GPR176: variants seen among roughly 807,000 people sequenced by gnomAD.
GPR176 encodes G-protein coupled receptor 176.
A neutral mutation model predicts 35.4 loss-of-function variants in GPR176; 26 were observed. The observed-to-expected ratio is 0.74, with a 90% CI of 0.54 to 1.02. The LOEUF is 1.02. GPR176 is among the 50% of genes least tolerant of loss of function. The probability of loss-of-function intolerance (pLI) is 0.00; values close to 1 mark genes in which losing one functional copy is unlikely to be tolerated. For missense variants in GPR176, 597 were observed against 665.3 expected (o/e 0.90, Z 1.13); for synonymous variants, 278 against 271.3 (o/e 1.02, Z -0.24).
intron 1 of GPR176, among the ~76,000 whole-genome samples, chr15:39,839,266 T>G (rs1325761871): frequency 5.3e-5 from 8 of 152,162 alleles, no homozygotes. Flanking sequence ...CAAAACAGCT[T>G]GGTACTGGTA....
chr15:39,906,999 A>C (rs1330950624), intron 1 of GPR176, among the ~76,000 whole-genome samples: 1 of 152,200 alleles, frequency 6.6e-6, no homozygotes, highest in Non-Finnish European at 1.5e-5. Context: ...TAATTTCTGG[A>C]GTTATAACTG....
intron 1 of GPR176, among the ~76,000 whole-genome samples, chr15:39,904,049 T>A (rs1183057927): frequency 6.6e-6 from 1 of 152,234 alleles, no homozygotes; most frequent in Admixed American, 6.5e-5. Context: ...GGTAACTTCC[T>A]GATGTTGCCA....
At chr15:39,883,620 G>A (rs912707159) in intron 1 of GPR176, among the ~76,000 whole-genome samples, 3 of 152,032 alleles carry the variant, frequency 2.0e-5, no homozygotes, top group Non-Finnish European at 4.4e-5. Flanking sequence ...CGTACATAAA[G>A]CAGTGTCTAG....
intron 1 of GPR176, among the ~76,000 whole-genome samples, chr15:39,822,090 C>A (rs927919125): frequency 1.3e-5 from 2 of 152,198 alleles, no homozygotes; most frequent in Non-Finnish European, 2.9e-5. Flanking sequence ...GGAACTGGGG[C>A]CTCCTGCCAA....
intron 1 of GPR176, among the ~76,000 whole-genome samples, chr15:39,860,204 T>C (rs979903563): frequency 6.6e-6 from 1 of 152,194 alleles, no homozygotes; most frequent in Admixed American, 6.5e-5. Context: ...GGATGGGCAA[T>C]GCAAAGAATG....
At position 39,912,518 on chromosome 15, in the gene GPR176, C is replaced by T. The variant is rs137902610; in HGVS notation, c.172+7337G>A. Among the ~76,000 whole-genome samples, 168 of 150,346 alleles carry T rather than the reference C, an allele frequency of 1.1e-3. 2 individuals are homozygous for T. The Middle Eastern group carries it at 0.014, about 12-fold the overall frequency. ...CCTGTAGTCCCAGCTACTTGGAGGC[C>T]GAGGTAGAAGGATCACCTGAGCCTG... is the stretch of plus-strand genomic sequence containing the variant. On this transcript the variant is annotated intron_variant, in intron 1 of 2. Coordinates refer to ENST00000561100, the MANE Select transcript of GPR176 (RefSeq NM_007223.3).
chr15:39,819,600 C>G (rs1230766488), intron 1 of GPR176, among the ~76,000 whole-genome samples: 3 of 152,166 alleles, frequency 2.0e-5, no homozygotes, highest in African/African-American at 7.2e-5. Flanking sequence ...TTCCCATTGC[C>G]AACACACAGT....
chr15:39,895,289 A>AGAGGG (rs144343033), intron 1 of GPR176, among the ~76,000 whole-genome samples: 957 of 87,320 alleles, frequency 0.011, 35 homozygotes, highest in African/African-American at 0.034. Context: ...TGGGGAGAGG[A>AGAGGG]AGAGGGGGAG....
At chr15:39,871,631 C>T (rs1235105146) in intron 1 of GPR176, among the ~76,000 whole-genome samples, 1 of 152,190 alleles carries the variant, frequency 6.6e-6, no homozygotes, top group Non-Finnish European at 1.5e-5. Context: ...CTCATGGCCC[C>T]TTTCCTAATA....
In GPR176 at chr15:39,801,634, C is replaced by T; in HGVS notation, c.1046G>A (p.Ser349Asn). ...GGCCTCAGCCATGCCACTCCCTGTACTGACCACATTACGGCGACTGTACCG... is the reference window on the plus strand; with the variant it reads ...GGCCTCAGCCATGCCACTCCCTGTATTGACCACATTACGGCGACTGTACCG... ...HHRYSRRNVVSTGSGMAEASL... is the reference protein window; with the variant it reads ...HHRYSRRNVVNTGSGMAEASL... Residue 349 changes from serine to asparagine, a missense_variant, in exon 3 of 3, where the codon AGT (serine) becomes AAT (asparagine). Around this residue, in one of 3 missense-constraint regions of GPR176, gnomAD observed 251 missense variants for 255.4 expected, o/e 0.98. Transcript: ENST00000561100. The T allele has an allele frequency of 6.2e-7, 1 of 1,614,098 alleles. No individual in the cohort carries two copies. Among genetic ancestry groups the T allele is most frequent in the Non-Finnish European group, 8.5e-7 (1 of 1,179,946 alleles).
At chr15:39,912,922 A>G (rs919194352) in intron 1 of GPR176, among the ~76,000 whole-genome samples, 1 of 152,208 alleles carries the variant, frequency 6.6e-6, no homozygotes. Context: ...TAAAAAGAAG[A>G]GTTACCATAT....
chr15:39,833,103 G>A (rs1286694528), intron 1 of GPR176, among the ~76,000 whole-genome samples: 1 of 152,000 alleles, frequency 6.6e-6, no homozygotes, highest in African/African-American at 2.4e-5. Flanking sequence ...GTGGGGTTGG[G>A]AGCATTATTC....
At chr15:39,864,035 T>A (rs1205422006) in intron 1 of GPR176, among the ~76,000 whole-genome samples, 2 of 152,172 alleles carry the variant, frequency 1.3e-5, no homozygotes. Flanking sequence ...CTTGAATAAT[T>A]TTTGAACTCT....
In GPR176 at chr15:39,919,966, C is replaced by T. The variant is rs1487077486; in HGVS notation, c.61G>A (p.Ala21Thr). 6.1e-6 allele frequency: 9 copies of T among 1,481,280 alleles called. No homozygotes were observed. In the East Asian group the frequency reaches 1.1e-4, roughly 19 times the overall value. The allele number at this position is 1,481,280 out of a possible 1,614,324, so 91.8% of individuals were successfully genotyped here. Residue 21 changes from alanine to threonine, a missense_variant, in exon 1 of 3, where the codon GCC becomes ACC. This residue lies in a region of GPR176 where 126 missense variants were observed against 112.4 expected (regional missense o/e 1.12). Transcript: ENST00000561100. Reference protein sequence around the residue: ...NASEPHNASGAEAAGVNRSAL... With the variant: ...NASEPHNASGTEAAGVNRSAL... The stretch of plus-strand genomic sequence containing the variant: ...CTGCGGTTCACACCCGCAGCCTCGG[C>T]GCCGGACGCGTTGTGCGGCTCGCTG...
At chr15:39,872,928 TG>T (rs2032102545) in intron 1 of GPR176, among the ~76,000 whole-genome samples, 1 of 28,142 alleles carries the variant, frequency 3.6e-5, no homozygotes, top group Non-Finnish European at 6.1e-5. Flanking sequence ...TGTGTGTGTG[TG>T]TGTGTGTGTG....
intron 1 of GPR176, among the ~76,000 whole-genome samples, chr15:39,848,255 T>C (rs2030588962): frequency 6.6e-6 from 1 of 151,918 alleles, no homozygotes; most frequent in South Asian, 2.1e-4. Context: ...GATAAAAGGG[T>C]CAATCAAATA....
chr15:39,906,894 C>A (rs747352699), intron 1 of GPR176, among the ~76,000 whole-genome samples: 1 of 152,212 alleles, frequency 6.6e-6, no homozygotes, highest in Non-Finnish European at 1.5e-5. Context: ...AGGCACTGTT[C>A]TAAATATTGG....
chr15:39,865,566 G>A (rs2031794036), intron 1 of GPR176, among the ~76,000 whole-genome samples: 1 of 152,130 alleles, frequency 6.6e-6, no homozygotes, highest in African/African-American at 2.4e-5. Flanking sequence ...GGAGGTGGAA[G>A]GAGGATGGAT....
rs188764248 is a variant in GPR176 at position 39,828,987 on chromosome 15, C to T, written c.173-21729G>A. 1.4e-4 allele frequency: 96 copies of T among 685,642 alleles called. No individual in the cohort carries two copies. The African/African-American group carries it at 1.4e-3, about 10-fold the overall frequency. The allele number at this position is 685,642 out of a possible 1,614,324, so 42.5% of individuals were successfully genotyped here. A position where few individuals can be genotyped will look rare whatever the true frequency, so the allele number is the denominator to read the frequency against. On this transcript the variant is annotated intron_variant, in intron 1 of 2. Coordinates refer to ENST00000561100, the MANE Select transcript of GPR176 (RefSeq NM_007223.3). ...AGTGAATACTTATTGTCTAAGTATG[C>T]GTATCATGTGATATTTGCAAGAACT... is the stretch of plus-strand genomic sequence containing the variant.
Sources: allele counts gnomAD v4.1 joint callset (sites outside exome capture counted in the v4.1 genomes callset), GRCh38; gene constraint gnomAD v4.1.1; regional missense constraint gnomAD v4.1.1; transcripts MANE v1.5; gene names NCBI Gene and HGNC (gene_info 2026-07-23, HGNC 2026-07-21).